Variants in TREM2 observed in about 807,000 individuals in gnomAD.
TREM2 encodes the protein triggering receptor expressed on monocytes 2.
A neutral mutation model predicts 22.9 loss-of-function variants in TREM2; 20 were observed. That is an observed-to-expected ratio of 0.87 (90% confidence interval 0.61 to 1.27). TREM2 has a LOEUF of 1.27. TREM2 is among the 50% of genes most tolerant of loss of function. TREM2 has a pLI of 0.00. For missense variants in TREM2, 267 were observed against 289.0 expected, an observed-to-expected ratio of 0.92 and a Z score of 0.55; for synonymous variants, 111 against 120.9, an observed-to-expected ratio of 0.92 and a Z score of 0.54.
At chr6:41,160,996 A>C (rs2113879563) in intron 2 of TREM2, among the ~76,000 whole-genome samples, 1 of 152,304 alleles carries the variant, frequency 6.6e-6, no homozygotes, top group East Asian at 1.9e-4. Flanking sequence ...CCTTAATGCA[A>C]AGTAGAGAAA....
At chr6:41,160,015 C>A in intron 2 of TREM2, 133 bp from the exon 3 acceptor site, 1 of 701,732 alleles carries the variant, frequency 1.4e-6, no homozygotes, top group Non-Finnish European at 2.5e-6. Context: ...TCATTACACT[C>A]CATAAGCCTC....
intron 1 of TREM2, 26 bp downstream of exon 1, chr6:41,163,017 A>T (rs1427197604): frequency 1.2e-6 from 2 of 1,614,136 alleles, no homozygotes; most frequent in African/African-American, 1.3e-5. Context: ...GAGAGAAGGC[A>T]TCACAGGGCA....
intron 1 of TREM2, 133 bp downstream of exon 1, chr6:41,162,910 G>A: frequency 1.7e-6 from 2 of 1,153,692 alleles, no homozygotes; most frequent in Non-Finnish European, 2.6e-6. Flanking sequence ...GGAGAGGAGT[G>A]CAGAACAGGG....
At position 41,161,508 on chromosome 6, in the gene TREM2, G is replaced by A. The variant is rs1359529169; in HGVS notation, c.146C>T (p.Ala49Val). The A allele has an allele frequency of 8.1e-6, 13 of 1,614,184 alleles. No homozygotes were observed. The East Asian group carries it at 2.7e-4, about 33-fold the overall frequency. The part of the protein sequence containing the change: ...DSMKHWGRRK[A>V]WCRQLGEKGP... ...CTTCTCTCCCAGCTGGCGGCACCAG[G>A]CCTTGCGCCTCCCCCAGTGCTTCAT... Residue 49 changes from alanine to valine, a missense_variant, in exon 2 of 5, where the codon GCC becomes GTC. By Grantham distance (64) the Ala-to-Val change is moderately conservative (BLOSUM62 0). Coordinates refer to ENST00000373113, the MANE Select transcript of TREM2 (RefSeq NM_018965.4).
intron 2 of TREM2, 54 bp from the exon 3 acceptor site, chr6:41,159,936 A>G: frequency 1.3e-6 from 2 of 1,518,220 alleles, no homozygotes; most frequent in South Asian, 2.3e-5. Context: ...AGGCAGGGGG[A>G]GAACCTTGGC....
intron 1 of TREM2, among the ~76,000 whole-genome samples, chr6:41,162,320 C>T (rs1765586650): frequency 3.3e-5 from 5 of 152,274 alleles, no homozygotes; most frequent in Middle Eastern, 3.4e-3. Flanking sequence ...CCAGATGGGC[C>T]GTGGCCCTCT....
chr6:41,159,804 T>C lies in TREM2; in HGVS notation c.470A>G (p.His157Arg), dbSNP rs1255249948. 1 of 1,614,126 alleles carries C rather than the reference T, an allele frequency of 6.2e-7. No individual in the cohort carries two copies. The highest frequency in any genetic ancestry group is 1.1e-5 in the South Asian group (1 of 91,082). ...SESFEDAHVE[H>R]SISRSLLEGE... ...CCCATCGCTGTACCTGGAGATGCTG[T>C]GCTCCACATGGGCATCCTCGAAGCT... Residue 157 changes from histidine to arginine, a missense_variant, in exon 3 of 5, where the codon CAC becomes CGC. Coordinates refer to ENST00000373113, the MANE Select transcript of TREM2 (RefSeq NM_018965.4).
chr6:41,161,691 G>A (rs1483318907), intron 1 of TREM2, 78 bp from the exon 2 acceptor site: 2 of 1,290,148 alleles, frequency 1.6e-6, no homozygotes, highest in Non-Finnish European at 2.2e-6. Flanking sequence ...GACCTAAACA[G>A]ACAAAAATCC....
rs150277350 is a variant in TREM2, at chr6:41,158,975, C to T, written c.574G>A (p.Ala192Thr). The change falls in exon 4 of 5, where the codon GCC becomes ACC. Residue 192 changes from alanine to threonine, a missense_variant. Coordinates refer to ENST00000373113, the MANE Select transcript of TREM2 (RefSeq NM_018965.4). ...CCATGCCAGGCTGCAGCCCAGAGGGCGCTGGCTGCTAGAATCTTGATGAGA... is the reference window on the plus strand; with the variant it reads ...CCATGCCAGGCTGCAGCCCAGAGGGTGCTGGCTGCTAGAATCTTGATGAGA... ...IFLIKILAAS[A>T]LWAAAWHGQK... 8.2e-5 allele frequency: 132 copies of T among 1,614,172 alleles called. 2 individuals are homozygous for T. In the East Asian group the frequency reaches 1.5e-3, roughly 19 times the overall value.
chr6:41,162,708 C>T (rs1049291812), intron 1 of TREM2, among the ~76,000 whole-genome samples: 1 of 152,098 alleles, frequency 6.6e-6, no homozygotes, highest in African/African-American at 2.4e-5. Flanking sequence ...GAGGCTATTA[C>T]CAGTGCCAGT....
chr6:41,159,069 T>C lies in TREM2; in HGVS notation c.483-3A>G, dbSNP rs1468177978. 1 of 1,611,068 alleles carries C rather than the reference T, an allele frequency of 6.2e-7. No individual in the cohort carries two copies. Among genetic ancestry groups the C allele is most frequent in the Non-Finnish European group, 8.5e-7 (1 of 1,178,694 alleles). ...GGATTTCTCCTTCCAAGAGGCTCCT[T>C]GGAGAGACAAGAAGGCAGATGGGAG... is the stretch of plus-strand genomic sequence containing the variant. On this transcript the variant is annotated splice_region_variant and splice_polypyrimidine_tract_variant and intron_variant, in intron 3 of 4. Coordinates refer to ENST00000373113, the MANE Select transcript of TREM2 (RefSeq NM_018965.4).
intron 1 of TREM2, 49 bp from the exon 2 acceptor site, chr6:41,161,662 A>G (rs1292092588): frequency 1.3e-6 from 2 of 1,503,068 alleles, no homozygotes; most frequent in Non-Finnish European, 1.8e-6. Context: ...ATACGCTTTG[A>G]ACACTTGCTC....
intron 3 of TREM2, among the ~76,000 whole-genome samples, chr6:41,159,452 T>C (rs1396196586): frequency 6.6e-6 from 1 of 152,218 alleles, no homozygotes; most frequent in Admixed American, 6.5e-5. Flanking sequence ...CTGGGGGTCT[T>C]AGCTTTGTAC....
Position 41,158,532 on chromosome 6 carries a change from A to T in TREM2, c.*232T>A. On this transcript the variant is annotated 3_prime_UTR_variant, in exon 5 of 5. Transcript: ENST00000373113. ...ATCCAGCTAAATATGACAGTCTTGG[A>T]TTTATTTGTAAGTGTTTAAAATGTC... The T allele has an allele frequency of 2.8e-6, 4 of 1,439,046 alleles. No homozygotes were observed. The highest frequency in any genetic ancestry group is 3.8e-6 in the Non-Finnish European group (4 of 1,066,612). The allele number at this position is 1,439,046 out of a possible 1,614,324, so 89.1% of individuals were successfully genotyped here.
Position 41,161,373 on chromosome 6 carries a change from G to A in TREM2, c.281C>T (p.Thr94Ile). 1.2e-6 allele frequency: 2 copies of A among 1,614,224 alleles called. No individual in the cohort carries two copies. Among genetic ancestry groups the A allele is most frequent in the Non-Finnish European group, 1.7e-6 (2 of 1,180,030 alleles). The change falls in exon 2 of 5, where the codon ACC becomes ATC. Residue 94 changes from threonine (T) to isoleucine (I), a missense_variant. Thr to Ile is a moderately conservative substitution (Grantham distance 89). Coordinates refer to ENST00000373113, the MANE Select transcript of TREM2 (RefSeq NM_018965.4). ...GGGTTGTAGATTCCGCAGCGTAATG[G>A]TGAGAGTGCCACCCAGGGTATCGTC... ...ITDDTLGGTL[T>I]ITLRNLQPHD...
rs149622783 is a variant in TREM2 at position 41,159,867 on chromosome 6, C to G, written c.407G>C (p.Arg136Pro). 1.9e-6 allele frequency: 3 copies of G among 1,613,934 alleles called. No homozygotes were observed. Among genetic ancestry groups the G allele is most frequent in the South Asian group, 2.2e-5 (2 of 91,070 alleles). ...VEVLADPLDH[R>P]DAGDLWFPGE... ...GGGGAACCAGAGATCTCCAGCATCC[C>G]GGTGATCCAGGGGGTCTATGGGAGG... is the stretch of plus-strand genomic sequence containing the variant. The change falls in exon 3 of 5, where the codon CGG becomes CCG. Residue 136 changes from arginine (R) to proline (P), a missense_variant. By Grantham distance (103) the Arg-to-Pro change is moderately radical (BLOSUM62 -2). Transcript: ENST00000373113.
In TREM2 at chr6:41,158,798, C is replaced by T. The variant is rs1200014616; in HGVS notation, c.677-18G>A. 2 of 1,614,108 alleles carry T rather than the reference C, an allele frequency of 1.2e-6. No homozygotes were observed. Among genetic ancestry groups the T allele is most frequent in the African/African-American group, 2.7e-5 (2 of 74,944 alleles). ...TCTCAGCCCTGCAATAGTCCAAGGA[C>T]TCATGTGGCCCCTCTCGGCACCGCC... On this transcript the variant is annotated intron_variant, in intron 4 of 4. Transcript: ENST00000373113.
intron 1 of TREM2, 119 bp from the exon 2 acceptor site, chr6:41,161,732 G>T: frequency 1.2e-6 from 1 of 857,412 alleles, no homozygotes; most frequent in Non-Finnish European, 1.9e-6. Flanking sequence ...TCTTATACAA[G>T]TTGGGAGCGG....
At chr6:41,161,229 G>A (rs1765554755) in intron 2 of TREM2, 34 bp downstream of exon 2, 1 of 1,590,598 alleles carries the variant, frequency 6.3e-7, no homozygotes, top group East Asian at 2.2e-5. Flanking sequence ...CCTGGAACAG[G>A]GGCAGGCCAG....
Sources: gnomAD v4.1 joint callset for allele counts (sites outside exome capture counted in the v4.1 genomes callset) on GRCh38, gnomAD v4.1.1 for gene constraint, MANE v1.5 for transcripts, NCBI Gene and HGNC (gene_info 2026-07-23, HGNC 2026-07-21) for gene names.